The following PKP1 variants were observed in gnomAD, a reference collection of about 807,000 sequenced individuals.
The protein encoded by PKP1 is plakophilin 1.
PKP1 carries 27 observed loss-of-function variants against 76.4 expected under a neutral mutation model. That is an observed-to-expected ratio of 0.35 (90% CI 0.26 to 0.49). The LOEUF (loss-of-function observed/expected upper bound fraction) is 0.49. PKP1 is among the 20% of genes least tolerant of loss of function. The pLI is 0.99. For missense variants in PKP1, 964 were observed against 955.2 expected, an observed-to-expected ratio of 1.01 and a Z score of -0.12; for synonymous variants, 404 against 384.2, an observed-to-expected ratio of 1.05 and a Z score of -0.60.
Position 201,332,700 on chromosome 1 carries a change from C to G in PKP1, c.*2659C>G, listed in dbSNP as rs1013290834. The G allele has an allele frequency of 1.3e-5, 2 of 152,278 alleles. No individual in the cohort carries two copies. The highest frequency in any genetic ancestry group is 4.8e-5 in the African/African-American group (2 of 41,460). The allele number at this position is 152,278 out of a possible 1,614,324, so 9.4% of individuals were successfully genotyped here. ...GTGGGGACCACACTAGCAGCCCTGACTCCACACTCCTCCTGGGGACCCAAG... is the reference window on the plus strand; with the variant it reads ...GTGGGGACCACACTAGCAGCCCTGAGTCCACACTCCTCCTGGGGACCCAAG... On this transcript the variant is annotated 3_prime_UTR_variant, in exon 14 of 14. Transcript: ENST00000367324.
chr1:201,325,818 C>A lies in PKP1; in HGVS notation c.2086C>A (p.Leu696Met). The A allele has an allele frequency of 6.2e-7, 1 of 1,613,874 alleles. No individual in the cohort carries two copies. ...GTCTGACATGTGGTCCAGCAAGGAA[C>A]TGCAGGGTGTCCTCAGACAGGTAAG... Reference protein sequence around the residue: ...LLSDMWSSKELQGVLRQQGFD... With the variant: ...LLSDMWSSKEMQGVLRQQGFD... The change falls in exon 12 of 14, where the codon CTG becomes ATG. Residue 696 changes from leucine to methionine, a missense_variant. Transcript: ENST00000367324.
At chr1:201,307,967 G>A (rs1356782688) in intron 2 of PKP1, among the ~76,000 whole-genome samples, 2 of 152,194 alleles carry the variant, frequency 1.3e-5, no homozygotes, top group South Asian at 4.1e-4. Flanking sequence ...CTGGAGAACC[G>A]GTTTGGCCGG....
rs760916390 is a variant in PKP1 at position 201,325,878 on chromosome 1, T to C, written c.2106+40T>C. ...CATCATCCTCTTCTGAGGTTCTTCC[T>C]GCTCATGAGCAGAGGGCCTGGCATA... On this transcript the variant is annotated intron_variant, in intron 12 of 13. Coordinates refer to ENST00000367324, the MANE Select transcript of PKP1 (RefSeq NM_001005337.3). 29 of 1,503,276 alleles carry C rather than the reference T, an allele frequency of 1.9e-5. No individual in the cohort carries two copies. In the South Asian group the frequency reaches 3.3e-4, roughly 17 times the overall value. The allele number at this position is 1,503,276 out of a possible 1,614,324, so 93.1% of individuals were successfully genotyped here.
rs1558191532 is a variant in PKP1, at chr1:201,316,106, A to AGATGGACGGACGGATGGATG, written c.702-441_702-440insCGGACGGATGGATGGATGGA. 47 of 12,672 alleles carry AGATGGACGGACGGATGGATG rather than the reference A, an allele frequency of 3.7e-3. 1 individual carries two copies. The South Asian group carries it at 0.09, about 24-fold the overall frequency. 0.8% of individuals were successfully genotyped at this position (12,672 alleles called of 1,614,324 possible). On this transcript the variant is annotated intron_variant, in intron 3 of 13. Transcript: ENST00000367324. The stretch of plus-strand genomic sequence containing the variant: ...CGGACAGACGGACGGATGGATGGAC[A>AGATGGACGGACGGATGGATG]GATGGATGGACGGATGGACGGACGG...
At chr1:201,312,052 C>T (rs1469220082) in intron 2 of PKP1, among the ~76,000 whole-genome samples, 1 of 152,212 alleles carries the variant, frequency 6.6e-6, no homozygotes, top group African/African-American at 2.4e-5. Flanking sequence ...TGCCCAGCTT[C>T]TCCCCATTGC....
chr1:201,315,530 G>A (rs1446799976), intron 3 of PKP1, among the ~76,000 whole-genome samples: 2 of 152,250 alleles, frequency 1.3e-5, no homozygotes, highest in African/African-American at 2.4e-5. Context: ...CTTCACAGAT[G>A]TGGGGCATCA....
rs1220721326 is a variant in PKP1, at chr1:201,318,657, A to T, written c.1094A>T (p.Glu365Val). The change falls in exon 6 of 14, where the codon GAG becomes GTG. Residue 365 changes from glutamate to valine, a missense_variant. Physicochemically the swap from Glu to Val is moderately radical, Grantham distance 121. Coordinates refer to ENST00000367324, the MANE Select transcript of PKP1 (RefSeq NM_001005337.3). ...CTGTCTTCCACTGACGAGCTGAAGGAGGAACTCATTGCCGACGCCCTGCCT... is the reference window on the plus strand; with the variant it reads ...CTGTCTTCCACTGACGAGCTGAAGGTGGAACTCATTGCCGACGCCCTGCCT... ...WNLSSTDELK[E>V]ELIADALPVL... is the part of the protein sequence containing the mutation. 1 of 1,612,294 alleles carries T rather than the reference A, an allele frequency of 6.2e-7. No individual in the cohort carries two copies. The highest frequency in any genetic ancestry group is 1.1e-5 in the South Asian group (1 of 90,988).
In PKP1 at chr1:201,294,119, C is replaced by T. The variant is rs973846633; in HGVS notation, c.306+74C>T. 8.7e-5 allele frequency: 86 copies of T among 989,762 alleles called. 1 individual carries two copies. Among genetic ancestry groups the T allele is most frequent in the African/African-American group, 6.4e-4 (40 of 62,480 alleles). 61.3% of individuals were successfully genotyped at this position (989,762 alleles called of 1,614,324 possible). A position where few individuals can be genotyped will look rare whatever the true frequency, so the allele number is the denominator to read the frequency against. ...GTTTGAGGTTTATAGTGGAGAAAAC[C>T]GGCACCAGTTGCTAAAAAGAGTGAT... On this transcript the variant is annotated intron_variant, in intron 2 of 13. Coordinates refer to ENST00000367324, the MANE Select transcript of PKP1 (RefSeq NM_001005337.3).
chr1:201,291,238 G>A (rs753975841), intron 1 of PKP1, among the ~76,000 whole-genome samples: 17 of 152,162 alleles, frequency 1.1e-4, no homozygotes, highest in Admixed American at 3.3e-4. Context: ...CCAGAGCCAA[G>A]CAGACCCCAA....
At position 201,283,711 on chromosome 1, in the gene PKP1, C is replaced by T; in HGVS notation, c.9C>T (p.His3=). The part of the protein sequence containing the change: MN[H]SPLKTALAYE... The stretch of plus-strand genomic sequence containing the variant: ...ACCCGCCTCCCGCCACCATGAACCA[C>T]TCGCCGCTCAAGACCGCCTTGGCGT... Residue 3 remains histidine, a synonymous_variant, in exon 1 of 14, where the codon CAC becomes CAT. Transcript: ENST00000367324. 2 of 1,613,794 alleles carry T rather than the reference C, an allele frequency of 1.2e-6. No individual in the cohort carries two copies. Among genetic ancestry groups the T allele is most frequent in the Non-Finnish European group, 1.7e-6 (2 of 1,179,812 alleles).
At chr1:201,325,174 T>G in intron 11 of PKP1, 47 bp downstream of exon 11, 1 of 1,577,418 alleles carries the variant, frequency 6.3e-7, no homozygotes, top group Non-Finnish European at 8.7e-7. Context: ...TCAGAGCCCC[T>G]CCTCACCCTG....
At chr1:201,320,488 G>A (rs924676156) in intron 7 of PKP1, 107 bp downstream of exon 7, 21 of 757,036 alleles carry the variant, frequency 2.8e-5, no homozygotes, top group African/African-American at 1.0e-4. Context: ...CAGACTCAGG[G>A]GTGGTAGAAG....
intron 2 of PKP1, among the ~76,000 whole-genome samples, chr1:201,303,638 T>C (rs1656295423): frequency 6.6e-6 from 1 of 152,228 alleles, no homozygotes; most frequent in African/African-American, 2.4e-5. Flanking sequence ...TTTTGTTTTT[T>C]CTTAAAAAGA....
chr1:201,316,510 C>A, intron 3 of PKP1, 43 bp from the exon 4 acceptor site: 1 of 1,566,396 alleles, frequency 6.4e-7, no homozygotes, highest in African/African-American at 1.4e-5. Context: ...CAGCAGGGCT[C>A]CCAGCCCACC....
At chr1:201,323,335 G>T (rs1251553207) in intron 9 of PKP1, 146 bp downstream of exon 9, 1 of 758,802 alleles carries the variant, frequency 1.3e-6, no homozygotes, top group African/African-American at 1.7e-5. Flanking sequence ...TGGGCTCTGG[G>T]CTGGGCAATG....
chr1:201,300,849 G>A (rs1323750896), intron 2 of PKP1, among the ~76,000 whole-genome samples: 1 of 152,212 alleles, frequency 6.6e-6, no homozygotes, highest in Non-Finnish European at 1.5e-5. Flanking sequence ...TGGAGGAGCT[G>A]AGCTTTGAAC....
intron 2 of PKP1, among the ~76,000 whole-genome samples, chr1:201,312,123 C>A (rs767993986): frequency 9.2e-5 from 14 of 152,204 alleles, no homozygotes; most frequent in Non-Finnish European, 1.5e-4. Context: ...CCCAGGCCTG[C>A]CTCCATGTGT....
intron 2 of PKP1, among the ~76,000 whole-genome samples, chr1:201,299,482 A>AT (rs1656163186): frequency 6.6e-6 from 1 of 152,214 alleles, no homozygotes; most frequent in African/African-American, 2.4e-5. Context: ...GAGCAAGGCA[A>AT]TTGGACTAAA....
At chr1:201,304,279 C>G (rs1038436246) in intron 2 of PKP1, among the ~76,000 whole-genome samples, 3 of 152,196 alleles carry the variant, frequency 2.0e-5, no homozygotes, top group African/African-American at 7.2e-5. Flanking sequence ...ATCCAGGGCT[C>G]AGCTTCAGGT....
Sources: allele counts gnomAD v4.1 joint callset (sites outside exome capture counted in the v4.1 genomes callset), GRCh38; gene constraint gnomAD v4.1.1; transcripts MANE v1.5; gene names NCBI Gene and HGNC (gene_info 2026-07-23, HGNC 2026-07-21).